The following NVL variants were observed in gnomAD, a reference collection of about 807,000 sequenced individuals.
NVL encodes the protein nuclear VCP like.
A neutral mutation model predicts 110.2 loss-of-function variants in NVL; 84 were observed. That is an observed-to-expected ratio of 0.76 (90% CI 0.64 to 0.91). The LOEUF is 0.91. Ranked by LOEUF, NVL falls within the 40% of genes least tolerant of loss-of-function variation. The pLI is 0.00. For missense variants in NVL, 882 were observed against 1,035.9 expected (o/e 0.85, Z 2.04); for synonymous variants, 354 against 361.1 (o/e 0.98, Z 0.22).
chr1:224,327,259 G>A (rs1030722475), intron 1 of NVL, among the ~76,000 whole-genome samples: 8 of 152,050 alleles, frequency 5.3e-5, no homozygotes, highest in Admixed American at 3.3e-4. Flanking sequence ...CCTGGGCAAG[G>A]TGGTAAGATC....
At chr1:224,307,868 C>T in intron 6 of NVL, 123 bp downstream of exon 6, 1 of 829,452 alleles carries the variant, frequency 1.2e-6, no homozygotes, top group East Asian at 2.8e-5. Flanking sequence ...TGATCAAATT[C>T]TCCATATATT....
At chr1:224,265,427 C>T (rs1044193399) in intron 18 of NVL, among the ~76,000 whole-genome samples, 1 of 151,988 alleles carries the variant, frequency 6.6e-6, no homozygotes. Flanking sequence ...ATCTTTGAAC[C>T]CAGGAGGCAG....
intron 18 of NVL, among the ~76,000 whole-genome samples, chr1:224,251,372 TCTG>T (rs1236929811): frequency 6.6e-6 from 1 of 151,890 alleles, no homozygotes; most frequent in Non-Finnish European, 1.5e-5. Flanking sequence ...ATGAAAAGCT[TCTG>T]CTCATCAAAA....
At chr1:224,286,517 T>C (rs1666889998) in intron 14 of NVL, among the ~76,000 whole-genome samples, 1 of 152,134 alleles carries the variant, frequency 6.6e-6, no homozygotes, top group Admixed American at 6.6e-5. Context: ...CTCAGGCTTA[T>C]TTTCAACATG....
At position 224,322,216 on chromosome 1, in the gene NVL, G is replaced by A. The variant is rs991121555; in HGVS notation, c.131+4175C>T. ...CTGCTTCAACTTCCTGAGTAGCTAA[G>A]ACAGACTACAGGTGCATGCCACGCT... On this transcript the variant is annotated intron_variant, in intron 2 of 22. Coordinates refer to ENST00000281701, the MANE Select transcript of NVL (RefSeq NM_002533.4). Among the ~76,000 whole-genome samples, 75 of 151,484 alleles carry A rather than the reference G, an allele frequency of 5.0e-4. 1 individual carries two copies. Among genetic ancestry groups the A allele is most frequent in the African/African-American group, 1.8e-3 (73 of 41,272 alleles).
chr1:224,290,523 C>T (rs781408466), intron 12 of NVL, among the ~76,000 whole-genome samples: 10 of 151,602 alleles, frequency 6.6e-5, no homozygotes, highest in Non-Finnish European at 1.5e-4. Flanking sequence ...TGGGCATGGC[C>T]AGGCACAGTG....
chr1:224,279,670 T>C (rs1202070959), intron 16 of NVL, among the ~76,000 whole-genome samples: 4 of 152,198 alleles, frequency 2.6e-5, no homozygotes, highest in Non-Finnish European at 5.9e-5. Flanking sequence ...TCCTGGCCAC[T>C]TTCCTTGTTT....
chr1:224,269,774 G>A (rs745765909), intron 17 of NVL: 3 of 136,352 alleles, frequency 2.2e-5, no homozygotes, highest in African/African-American at 8.6e-5. Flanking sequence ...TTGAGACAGG[G>A]GTCTTGTTCT....
In NVL at chr1:224,281,877, C is replaced by T. The variant is rs150350851; in HGVS notation, c.1900-692G>A. 6.3e-3 allele frequency among the ~76,000 whole-genome samples: 937 copies of T among 148,866 alleles called. 7 individuals are homozygous for T. The highest frequency in any genetic ancestry group is 0.01 in the Non-Finnish European group (707 of 67,392). ...CTGAGACAGGAGAATTGCTCGCACC[C>T]GGGAGGCAGAGGTTGCAGTGAGCCA... On this transcript the variant is annotated intron_variant, in intron 15 of 22. Coordinates refer to ENST00000281701, the MANE Select transcript of NVL (RefSeq NM_002533.4).
At chr1:224,329,886 C>T (rs1487058397) in intron 1 of NVL, among the ~76,000 whole-genome samples, 185 bp downstream of exon 1, 1 of 152,150 alleles carries the variant, frequency 6.6e-6, no homozygotes, top group Non-Finnish European at 1.5e-5. Context: ...CCTGAGACTC[C>T]GCACCAACGT....
At position 224,300,630 on chromosome 1, in the gene NVL, G is replaced by C; in HGVS notation, c.994C>G (p.Pro332Ala). The change falls in exon 10 of 23, where the codon CCA becomes GCA. Residue 332 changes from proline (P) to alanine (A), a missense_variant. Transcript: ENST00000281701. ...CCGGATACTCCAGACACAATCTCTG[G>C]AGCAGCCACTTTCAAAATTGGCAGG... ...LDLPILKVAA[P>A]EIVSGVSGES... 1 of 1,613,642 alleles carries C rather than the reference G, an allele frequency of 6.2e-7. No individual in the cohort carries two copies. The highest frequency in any genetic ancestry group is 8.5e-7 in the Non-Finnish European group (1 of 1,179,832).
intron 18 of NVL, 74 bp from the exon 19 acceptor site, chr1:224,250,392 T>C (rs1662336311): frequency 2.3e-6 from 3 of 1,306,808 alleles, no homozygotes; most frequent in South Asian, 3.3e-5. Flanking sequence ...TGAGAGAGGG[T>C]CTTGTTCCAT....
intron 18 of NVL, among the ~76,000 whole-genome samples, chr1:224,261,788 CAA>C (rs1366528490): frequency 6.6e-6 from 1 of 151,146 alleles, no homozygotes; most frequent in Non-Finnish European, 1.5e-5. Context: ...GTCATCTCTA[CAA>C]AAAAGTTTTT....
intron 11 of NVL, among the ~76,000 whole-genome samples, chr1:224,294,753 G>A (rs868297547): frequency 6.6e-6 from 1 of 152,080 alleles, no homozygotes; most frequent in Non-Finnish European, 1.5e-5. Flanking sequence ...AATAAGGGAG[G>A]GTTCATGGAG....
At chr1:224,322,123 C>T (rs1202281763) in intron 2 of NVL, among the ~76,000 whole-genome samples, 1 of 152,140 alleles carries the variant, frequency 6.6e-6, no homozygotes. Context: ...CTCTGTCACC[C>T]ACGCTTCAGT....
At chr1:224,231,792 C>T (rs906741962) in intron 21 of NVL, among the ~76,000 whole-genome samples, 18 of 151,536 alleles carry the variant, frequency 1.2e-4, no homozygotes, top group Admixed American at 8.6e-4. Flanking sequence ...TTTGGGAGGC[C>T]GAGGTGGGCG....
intron 18 of NVL, among the ~76,000 whole-genome samples, chr1:224,254,569 TTTG>T (rs1451343784): frequency 7.5e-5 from 4 of 53,334 alleles, no homozygotes; most frequent in East Asian, 2.8e-4. Flanking sequence ...ATTTGTTTTT[TTTG>T]TTTTTTTTTT....
chr1:224,314,573 C>T (rs1040014751), intron 4 of NVL, among the ~76,000 whole-genome samples: 3 of 152,048 alleles, frequency 2.0e-5, no homozygotes, highest in Non-Finnish European at 2.9e-5. Flanking sequence ...TATCGAAATC[C>T]TTCAGAAAAA....
chr1:224,274,989 T>C (rs1355675148), intron 17 of NVL, among the ~76,000 whole-genome samples: 1 of 152,220 alleles, frequency 6.6e-6, no homozygotes, highest in African/African-American at 2.4e-5. Flanking sequence ...TCTTAAACTG[T>C]ATGTTTTCCT....
Sources: allele counts gnomAD v4.1 joint callset (sites outside exome capture counted in the v4.1 genomes callset), GRCh38; gene constraint gnomAD v4.1.1; transcripts MANE v1.5; gene names NCBI Gene and HGNC (gene_info 2026-07-23, HGNC 2026-07-21).